The following ARMC5 variants were observed in gnomAD, a reference collection of about 807,000 sequenced individuals.
The protein encoded by ARMC5 is armadillo repeat containing 5.
In ARMC5, 28 loss-of-function variants were observed where a neutral mutation model predicts 60.5. The observed-to-expected ratio is 0.46, with a 90% CI of 0.34 to 0.63. ARMC5 has a LOEUF of 0.63. Among genes scored for constraint, ARMC5 ranks in the 30% least tolerant of loss-of-function variants. The probability of loss-of-function intolerance (pLI) is 0.01; values close to 1 mark genes in which losing one functional copy is unlikely to be tolerated. For missense variants in ARMC5, 1,189 were observed against 1,304.9 expected (o/e 0.91, Z 1.37); for synonymous variants, 680 against 607.3 (o/e 1.12, Z -1.76).
rs961337833 is a variant in ARMC5, at chr16:31,465,914, G to A, written c.1929G>A (p.Thr643=). ...CGCCCTTTGGGGTTGGGGCCCTGAC[G>A]CACCTGCTGCTCTCTGGGAGCCCTG... ...AESPFGVGAL[T]HLLLSGSPED... Residue 643 remains threonine, a synonymous_variant, in exon 5 of 6, where the codon ACG becomes ACA. Coordinates refer to ENST00000268314, the MANE Select transcript of ARMC5 (RefSeq NM_001105247.2). The A allele has an allele frequency of 1.7e-5, 28 of 1,608,528 alleles. No individual in the cohort carries two copies. The highest frequency in any genetic ancestry group is 3.3e-5 in the Admixed American group (2 of 60,004).
In ARMC5 at chr16:31,466,989, A is replaced by G. The variant is rs1596608436; in HGVS notation, c.*100A>G. 3 of 1,351,880 alleles carry G rather than the reference A, an allele frequency of 2.2e-6. No individual in the cohort carries two copies. The East Asian group carries it at 8.1e-5, about 37-fold the overall frequency. The allele number at this position is 1,351,880 out of a possible 1,614,324, so 83.7% of individuals were successfully genotyped here. ...AGGAGGCTGAGCAGAAGGAGTCATC[A>G]TGGAGGAGCGGTGAGAACATGGAAC... is the stretch of plus-strand genomic sequence containing the variant. On this transcript the variant is annotated 3_prime_UTR_variant, in exon 6 of 6. Coordinates refer to ENST00000268314, the MANE Select transcript of ARMC5 (RefSeq NM_001105247.2). This position sits in a 1 kb window ranked among gnomAD's most constrained non-coding sequence, Gnocchi z 8.0.
intron 1 of ARMC5, among the ~76,000 whole-genome samples, chr16:31,460,680 A>G (rs1596601242): frequency 6.6e-6 from 1 of 152,238 alleles, no homozygotes; most frequent in East Asian, 1.9e-4. Flanking sequence ...GCAGTGAACA[A>G]TGACTGCCTG....
At chr16:31,465,722 C>T (rs944504763) in intron 4 of ARMC5, 128 bp from the exon 5 acceptor site, 4 of 1,517,258 alleles carry the variant, frequency 2.6e-6, no homozygotes, top group Non-Finnish European at 3.5e-6. Flanking sequence ...CCAGCACTGT[C>T]TCTTCAGTGC....
chr16:31,464,586 C>G lies in ARMC5; in HGVS notation c.1563C>G (p.Arg521=). The G allele has an allele frequency of 6.3e-7, 1 of 1,585,046 alleles. No individual in the cohort carries two copies. Among genetic ancestry groups the G allele is most frequent in the Non-Finnish European group, 8.5e-7 (1 of 1,170,212 alleles). Residue 521 remains arginine (R), a synonymous_variant, in exon 4 of 6, where the codon CGC becomes CGG. Coordinates refer to ENST00000268314, the MANE Select transcript of ARMC5 (RefSeq NM_001105247.2). This position sits in a 1 kb window ranked among gnomAD's most constrained non-coding sequence, Gnocchi z 7.6. ...CCGCCATCGAGGAGCCTTGGGGACG[C>G]GAAGGGCCAGCCCTGCTGCTGCTGT... ...PAAAIEEPWG[R]EGPALLLLSR...
rs754479538 is a variant in ARMC5 at position 31,462,887 on chromosome 16, G to A, written c.1340G>A (p.Arg447Gln). 19 of 1,609,106 alleles carry A rather than the reference G, an allele frequency of 1.2e-5. No homozygotes were observed. The highest frequency in any genetic ancestry group is 2.7e-5 in the African/African-American group (2 of 74,830). The change falls in exon 3 of 6, where the codon CGG (arginine) becomes CAG (glutamine). Residue 447 changes from arginine to glutamine, a missense_variant. Physicochemically the swap from Arg to Gln is conservative, Grantham distance 43. Transcript: ENST00000268314. The surrounding 1 kb of genome is among the most constrained non-coding windows in gnomAD (Gnocchi z 7.2). ...TTTCCTGAGGAGAGGACCCCTGAGC[G>A]GGCACAGGGTGGAAGCTTCCGGAGC... ...WDFPEERTPE[R>Q]AQGGSFRSLR...
intron 3 of ARMC5, among the ~76,000 whole-genome samples, 169 bp downstream of exon 3, chr16:31,463,086 C>A (rs183377673): frequency 6.6e-6 from 1 of 152,032 alleles, no homozygotes; most frequent in Non-Finnish European, 1.5e-5. Flanking sequence ...TTAACACACT[C>A]CACTCCCCTG....
In ARMC5 at chr16:31,464,432, A is replaced by T. The variant is rs2082331097; in HGVS notation, c.1409A>T (p.Asp470Val). 1.3e-6 allele frequency: 2 copies of T among 1,563,788 alleles called. No homozygotes were observed. The highest frequency in any genetic ancestry group is 1.7e-6 in the Non-Finnish European group (2 of 1,156,762). Residue 470 changes from aspartate to valine, a missense_variant, in exon 4 of 6, where the codon GAT (aspartate) becomes GTT (valine). Around this residue, in one of 2 missense-constraint regions of ARMC5, gnomAD observed 862 missense variants for 1,071.2 expected, o/e 0.80. Transcript: ENST00000268314. The surrounding 1 kb of genome is among the most constrained non-coding windows in gnomAD (Gnocchi z 7.6). The part of the protein sequence containing the change: ...LISEGYATGP[D>V]DISPDWSPEQ... ...TCCGAGGGCTATGCCACAGGCCCTG[A>T]TGACATCTCCCCCGACTGGTCTCCT...
upstream of ARMC5, chr16:31,458,647 A>T (rs917453248): frequency 1.3e-4 from 185 of 1,434,668 alleles, no homozygotes; most frequent in Middle Eastern, 1.5e-3. Context: ...CCAGGGCTAG[A>T]GCCTGACCAT....
chr16:31,458,549 G>A (rs900431163), upstream of ARMC5: 1 of 1,522,480 alleles, frequency 6.6e-7, no homozygotes, highest in Non-Finnish European at 8.8e-7. Context: ...ATGAAGCCGG[G>A]GAGGCAGGCT....
At chr16:31,459,061 C>G (rs1205565729), upstream of ARMC5, 1 of 1,502,890 alleles carries the variant, frequency 6.7e-7, no homozygotes, top group Non-Finnish European at 8.8e-7. Context: ...CGGCCCGGCT[C>G]GGGGTTCTCG....
At chr16:31,465,140 C>T in intron 4 of ARMC5, 6 of 1,613,560 alleles carry the variant, frequency 3.7e-6, no homozygotes, top group Non-Finnish European at 4.2e-6. Flanking sequence ...AGCCCCGCGC[C>T]CAGGATCTGG....
At chr16:31,465,710 GC>G (rs2082350693) in intron 4 of ARMC5, 139 bp from the exon 5 acceptor site, 1 of 1,494,068 alleles carries the variant, frequency 6.7e-7, no homozygotes. Flanking sequence ...AGCGTCCCGA[GC>G]CCAGCACTGT....
In ARMC5 at chr16:31,462,907, C is replaced by A; in HGVS notation, c.1360C>A (p.Arg454=). 1 of 1,592,020 alleles carries A rather than the reference C, an allele frequency of 6.3e-7. No individual in the cohort carries two copies. Among genetic ancestry groups the A allele is most frequent in the Non-Finnish European group, 8.6e-7 (1 of 1,169,074 alleles). ...TGAGCGGGCACAGGGTGGAAGCTTC[C>A]GGAGCCTCAGGTGAGTCCCTGCCTC... ...TPERAQGGSF[R]SLRSWLISEG... The change falls in exon 3 of 6, where the codon CGG becomes AGG. Residue 454 remains arginine, a synonymous_variant. Coordinates refer to ENST00000268314, the MANE Select transcript of ARMC5 (RefSeq NM_001105247.2). This position sits in a 1 kb window ranked among gnomAD's most constrained non-coding sequence, Gnocchi z 7.2.
rs372191117 is a variant in ARMC5, at chr16:31,467,018, A to G, written c.*129A>G. ...AGGAGCGGTGAGAACATGGAACCGG[A>G]CTCCAAGATGACGATCTAAAGACCC... On this transcript the variant is annotated 3_prime_UTR_variant, in exon 6 of 6. Coordinates refer to ENST00000268314, the MANE Select transcript of ARMC5 (RefSeq NM_001105247.2). 362 of 1,203,472 alleles carry G rather than the reference A, an allele frequency of 3.0e-4. 1 individual carries two copies. In the African/African-American group the frequency reaches 5.1e-3, roughly 17 times the overall value. 74.5% of individuals were successfully genotyped at this position (1,203,472 alleles called of 1,614,324 possible).
At chr16:31,459,422 A>G (rs1267217084), upstream of ARMC5, 5 of 1,539,622 alleles carry the variant, frequency 3.2e-6, no homozygotes, top group South Asian at 2.4e-5. Flanking sequence ...CGGTGGCGCT[A>G]AACAGCGTCA....
In ARMC5 at chr16:31,459,635, G is replaced by C; in HGVS notation, c.111G>C (p.Glu37Asp). 3 of 1,596,962 alleles carry C rather than the reference G, an allele frequency of 1.9e-6. No homozygotes were observed. Among genetic ancestry groups the C allele is most frequent in the South Asian group, 2.2e-5 (2 of 90,776 alleles). Residue 37 changes from glutamate to aspartate, a missense_variant, in exon 1 of 6, where the codon GAG (glutamate) becomes GAC (aspartate). Around this residue, in one of 2 missense-constraint regions of ARMC5, gnomAD observed 327 missense variants for 233.7 expected, o/e 1.40. Coordinates refer to ENST00000268314, the MANE Select transcript of ARMC5 (RefSeq NM_001105247.2). Reference sequence around the variant, plus strand: ...GGGAAAAGGACCCAGCGACCAACGAGACACCCCTGAGCCGCGCGCTCCTAG... The same window carrying C: ...GGGAAAAGGACCCAGCGACCAACGACACACCCCTGAGCCGCGCGCTCCTAG... The part of the protein sequence containing the change: ...LGGEKDPATN[E>D]TPLSRALLAL...
At position 31,464,504 on chromosome 16, in the gene ARMC5, C is replaced by A. The variant is rs748333927; in HGVS notation, c.1481C>A (p.Thr494Asn). 6.2e-7 allele frequency: 1 copy of A among 1,607,342 alleles called. No individual in the cohort carries two copies. Among genetic ancestry groups the A allele is most frequent in the Non-Finnish European group, 8.5e-7 (1 of 1,177,550 alleles). Residue 494 changes from threonine (T) to asparagine (N), a missense_variant, in exon 4 of 6, where the codon ACC (threonine) becomes AAC (asparagine). Around this residue, in one of 2 missense-constraint regions of ARMC5, gnomAD observed 862 missense variants for 1,071.2 expected, o/e 0.80. Coordinates refer to ENST00000268314, the MANE Select transcript of ARMC5 (RefSeq NM_001105247.2). This position sits in a 1 kb window ranked among gnomAD's most constrained non-coding sequence, Gnocchi z 7.6. ...EPMEPASPAP[T>N]PTSLRAPRTQ... ...ATGGAGCCGGCCAGCCCCGCCCCGACCCCGACCTCGCTGCGGGCACCACGC... is the reference window on the plus strand; with the variant it reads ...ATGGAGCCGGCCAGCCCCGCCCCGAACCCGACCTCGCTGCGGGCACCACGC...
Position 31,462,484 on chromosome 16 carries a change from C to G in ARMC5, c.937C>G (p.Leu313Val). The G allele has an allele frequency of 6.2e-7, 1 of 1,612,126 alleles. No homozygotes were observed. The highest frequency in any genetic ancestry group is 8.5e-7 in the Non-Finnish European group (1 of 1,179,808). ...CCTCGCCAACCTGTGTGCCCAGGGCCTGATTCGGCCTGCACTGGGCAATGC... is the reference window on the plus strand; with the variant it reads ...CCTCGCCAACCTGTGTGCCCAGGGCGTGATTCGGCCTGCACTGGGCAATGC... ...LILANLCAQG[L>V]IRPALGNAGG... The change falls in exon 3 of 6, where the codon CTG (leucine) becomes GTG (valine). Residue 313 changes from leucine (L) to valine (V), a missense_variant. Leu to Val is a conservative substitution (Grantham distance 32, BLOSUM62 1). Coordinates refer to ENST00000268314, the MANE Select transcript of ARMC5 (RefSeq NM_001105247.2). The surrounding 1 kb of genome is among the most constrained non-coding windows in gnomAD (Gnocchi z 7.2).
intron 1 of ARMC5, among the ~76,000 whole-genome samples, chr16:31,461,053 A>G (rs1471697781): frequency 1.3e-5 from 2 of 152,220 alleles, no homozygotes; most frequent in Non-Finnish European, 2.9e-5. Flanking sequence ...AACCCCCATC[A>G]TTCAGCTACT....
Sources: gnomAD v4.1 joint callset for allele counts (sites outside exome capture counted in the v4.1 genomes callset) on GRCh38, gnomAD v4.1.1 for gene constraint, gnomAD v4.1.1 regional missense constraint, Gnocchi (gnomAD v3.1) non-coding constraint, MANE v1.5 for transcripts, NCBI Gene and HGNC (gene_info 2026-07-23, HGNC 2026-07-21) for gene names.